Variants in PTPRD observed in about 807,000 individuals in gnomAD.
PTPRD encodes the protein receptor-type tyrosine-protein phosphatase delta.
Under a neutral mutation model 214.5 loss-of-function variants are expected in PTPRD, and 34 were observed. That is an observed-to-expected ratio of 0.16 (90% CI 0.12 to 0.21). The LOEUF (loss-of-function observed/expected upper bound fraction) is 0.21, where lower values mean the gene tolerates loss of function less well. Ranked by LOEUF, PTPRD falls within the 10% of genes least tolerant of loss-of-function variation. PTPRD has a pLI of 1.00. For missense variants in PTPRD, 2,545 were observed against 2,398.7 expected (o/e 1.06, Z -1.27); for synonymous variants, 1,128 against 845.7 (o/e 1.33, Z -5.79).
intron 4 of PTPRD, among the ~76,000 whole-genome samples, chr9:9,983,991 T>C (rs139165818): frequency 1.7e-4 from 26 of 152,260 alleles, no homozygotes; most frequent in African/African-American, 4.6e-4. Flanking sequence ...CAACCTGTAA[T>C]TGAAGATCAG....
At chr9:10,564,148 G>A (rs374350567) in intron 2 of PTPRD, among the ~76,000 whole-genome samples, 1 of 93,884 alleles carries the variant, frequency 1.1e-5, no homozygotes, top group South Asian at 3.1e-4. Context: ...ACTCGGGAGT[G>A]TGCACCACCA....
chr9:9,218,050 T>A (rs2099953442), intron 9 of PTPRD, among the ~76,000 whole-genome samples: 1 of 152,116 alleles, frequency 6.6e-6, no homozygotes, highest in African/African-American at 2.4e-5. Context: ...ATAGAACATA[T>A]AACTATCTGT....
chr9:10,513,759 C>T (rs1477095727), intron 2 of PTPRD, among the ~76,000 whole-genome samples: 1 of 152,088 alleles, frequency 6.6e-6, no homozygotes, highest in Non-Finnish European at 1.5e-5. Flanking sequence ...TTAGGGCCTC[C>T]CTGGCAACTC....
intron 2 of PTPRD, among the ~76,000 whole-genome samples, chr9:10,449,839 T>C (rs1321945933): frequency 6.6e-6 from 1 of 151,910 alleles, no homozygotes; most frequent in South Asian, 2.1e-4. Context: ...GATCAGATTG[T>C]TACTGTGTCT....
intron 3 of PTPRD, among the ~76,000 whole-genome samples, chr9:10,225,919 A>G (rs1434995464): frequency 6.6e-6 from 1 of 152,058 alleles, no homozygotes; most frequent in Non-Finnish European, 1.5e-5. Context: ...CTTGAGAAGA[A>G]TAACAACTTT....
chr9:8,565,238 C>T (rs778482702), intron 14 of PTPRD, among the ~76,000 whole-genome samples: 1 of 152,056 alleles, frequency 6.6e-6, no homozygotes, highest in African/African-American at 2.4e-5. Context: ...GTTTACACTG[C>T]CAGATATGAC....
intron 10 of PTPRD, among the ~76,000 whole-genome samples, chr9:9,071,769 G>A (rs1013641676): frequency 6.6e-6 from 1 of 152,118 alleles, no homozygotes; most frequent in Non-Finnish European, 1.5e-5. Context: ...CTATAACTGG[G>A]CTCTTGATTC....
At chr9:10,072,784 A>G (rs138792931) in intron 3 of PTPRD, among the ~76,000 whole-genome samples, 1 of 152,236 alleles carries the variant, frequency 6.6e-6, no homozygotes, top group East Asian at 1.9e-4. Flanking sequence ...ATAGTTGTGT[A>G]GTTTTCTGCA....
At chr9:10,293,764 G>C (rs1025766345) in intron 3 of PTPRD, among the ~76,000 whole-genome samples, 4 of 151,904 alleles carry the variant, frequency 2.6e-5, no homozygotes, top group Admixed American at 6.6e-5. Flanking sequence ...GCCTTCATTG[G>C]TGGAAAGAAC....
intron 10 of PTPRD, among the ~76,000 whole-genome samples, chr9:9,063,299 T>C (rs2099711058): frequency 6.6e-6 from 1 of 152,214 alleles, no homozygotes; most frequent in African/African-American, 2.4e-5. Context: ...TTCATGCTAA[T>C]CCTTCATGCC....
chr9:10,339,318 A>G (rs948495078), intron 3 of PTPRD, among the ~76,000 whole-genome samples: 3 of 151,748 alleles, frequency 2.0e-5, no homozygotes, highest in Non-Finnish European at 4.4e-5. Flanking sequence ...TTCTTTTGTT[A>G]TACAATCAAA....
At chr9:10,184,065 C>G (rs1338868241) in intron 3 of PTPRD, among the ~76,000 whole-genome samples, 1 of 152,118 alleles carries the variant, frequency 6.6e-6, no homozygotes, top group Non-Finnish European at 1.5e-5. Context: ...AGGAAAGAAT[C>G]ATAAGGTAGG....
At chr9:9,910,083 G>A (rs1021253837) in intron 5 of PTPRD, among the ~76,000 whole-genome samples, 1 of 151,918 alleles carries the variant, frequency 6.6e-6, no homozygotes, top group South Asian at 2.1e-4. Flanking sequence ...CTACTTTCTT[G>A]ACATCTTGGT....
intron 11 of PTPRD, among the ~76,000 whole-genome samples, chr9:8,786,950 G>T (rs1275764580): frequency 6.6e-6 from 1 of 151,332 alleles, no homozygotes; most frequent in Admixed American, 6.6e-5. Flanking sequence ...TGCTGCCCAG[G>T]CTGCAGTGTA....
intron 11 of PTPRD, among the ~76,000 whole-genome samples, chr9:9,013,479 T>C (rs1243183469): frequency 6.6e-6 from 1 of 152,158 alleles, no homozygotes. Flanking sequence ...GTTTAACAAA[T>C]AGTGTTTTTT....
chr9:8,380,262 TACTG>T (rs568362013), intron 37 of PTPRD, among the ~76,000 whole-genome samples: 52 of 152,164 alleles, frequency 3.4e-4, no homozygotes, highest in Non-Finnish European at 5.9e-4. Flanking sequence ...CCATTAGCCT[TACTG>T]ACTAAGTGGG....
intron 11 of PTPRD, among the ~76,000 whole-genome samples, chr9:8,854,094 C>G (rs568653289): frequency 6.6e-6 from 1 of 152,130 alleles, no homozygotes; most frequent in South Asian, 2.1e-4. Context: ...TATTTCGTGA[C>G]CACTAAGTTG....
chr9:10,510,493 T>C (rs533429037), intron 2 of PTPRD, among the ~76,000 whole-genome samples: 26 of 152,322 alleles, frequency 1.7e-4, no homozygotes, highest in African/African-American at 6.0e-4. Flanking sequence ...AAAAGCATCA[T>C]ATAAATAGGG....
In PTPRD at chr9:9,954,308, A is replaced by AAAAAAC. The variant is rs1566685729; in HGVS notation, c.-471-15699_-471-15698insGTTTTT. Among the ~76,000 whole-genome samples the AAAAAAC allele has an allele frequency of 5.0e-5, 7 of 140,030 alleles. No homozygotes were observed. The South Asian group carries it at 6.7e-4, about 13-fold the overall frequency. The allele number at this position is 140,030 out of a possible 152,430, so 91.9% of individuals were successfully genotyped here. A position where few individuals can be genotyped will look rare whatever the true frequency, so the allele number is the denominator to read the frequency against. On this transcript the variant is annotated intron_variant, in intron 4 of 45. Transcript: ENST00000381196. ...ACTCTGTCTCAAAACAAAAAAAAAA[A>AAAAAAC]AAAAAAAAAAAAAAAAGATCATTGT...
Sources: allele counts gnomAD v4.1 joint callset (sites outside exome capture counted in the v4.1 genomes callset), GRCh38; gene constraint gnomAD v4.1.1; transcripts MANE v1.5; gene names NCBI Gene and HGNC (gene_info 2026-07-23, HGNC 2026-07-21).